Variants in CCDC142 observed in about 807,000 individuals in gnomAD.
CCDC142 encodes the protein coiled-coil domain-containing protein 142.
A neutral mutation model predicts 83.8 loss-of-function variants in CCDC142; 67 were observed. That is an observed-to-expected ratio of 0.80 (90% CI 0.66 to 0.98). The LOEUF (loss-of-function observed/expected upper bound fraction) is 0.98. Ranked by LOEUF, CCDC142 falls within the 50% of genes least tolerant of loss-of-function variation. CCDC142 has a pLI of 0.00. For missense variants in CCDC142, 905 were observed against 946.8 expected, an observed-to-expected ratio of 0.96 and a Z score of 0.58; for synonymous variants, 421 against 421.2, an observed-to-expected ratio of 1.00 and a Z score of 0.01.
Position 74,475,413 on chromosome 2 carries a change from G to T in CCDC142, c.1619-11C>A, listed in dbSNP as rs770220978. Reference sequence around the variant, plus strand: ...GAGCACTGGGAGGTTCTGGAATAGAGAAGACAGAATATAAGGCTGTGGAGA... The same window carrying T: ...GAGCACTGGGAGGTTCTGGAATAGATAAGACAGAATATAAGGCTGTGGAGA... On this transcript the variant is annotated splice_polypyrimidine_tract_variant and intron_variant, in intron 6 of 8. Transcript: ENST00000393965. The T allele has an allele frequency of 2.6e-6, 4 of 1,565,610 alleles. No homozygotes were observed. Among genetic ancestry groups the T allele is most frequent in the Non-Finnish European group, 3.5e-6 (4 of 1,156,486 alleles).
In CCDC142 at chr2:74,481,377, G is replaced by C. The variant is rs755160870; in HGVS notation, c.1109-5C>G. On this transcript the variant is annotated splice_polypyrimidine_tract_variant and splice_region_variant and intron_variant, in intron 2 of 8. Coordinates refer to ENST00000393965, the MANE Select transcript of CCDC142 (RefSeq NM_001365575.2). The stretch of plus-strand genomic sequence containing the variant: ...ATCCCAAGGCCTGGCAGAAACCTGA[G>C]GATGAGAGAGTATAGTGTGGTGGGG... 6.2e-7 allele frequency: 1 copy of C among 1,614,132 alleles called. No homozygotes were observed. Among genetic ancestry groups the C allele is most frequent in the Non-Finnish European group, 8.5e-7 (1 of 1,180,028 alleles).
intron 5 of CCDC142, among the ~76,000 whole-genome samples, chr2:74,476,197 G>T (rs758169058): frequency 6.6e-6 from 1 of 152,050 alleles, no homozygotes; most frequent in African/African-American, 2.4e-5. Flanking sequence ...TTTTGAGGCA[G>T]AGTCTTGCTG....
chr2:74,482,487 CGACTGTAGGT>C lies in CCDC142; in HGVS notation c.341_350del (p.His114ArgfsTer6). Reference sequence around the variant, plus strand: ...TCAGGGTCTTCATGAGTCGCACAGCCGACTGTAGGTGGTAGGCGCAGTCTCGGGCCTGGAG... The same window carrying C: ...TCAGGGTCTTCATGAGTCGCACAGCCGGTAGGCGCAGTCTCGGGCCTGGAG... On this transcript the variant is annotated frameshift_variant, in exon 1 of 9. Transcript: ENST00000393965. LOFTEE classifies it high-confidence loss of function. The surrounding 1 kb of genome is among the most constrained non-coding windows in gnomAD (Gnocchi z 5.0). 1 of 1,554,728 alleles carries C rather than the reference CGACTGTAGGT, an allele frequency of 6.4e-7. No individual in the cohort carries two copies. The highest frequency in any genetic ancestry group is 8.7e-7 in the Non-Finnish European group (1 of 1,148,146).
chr2:74,476,703 G>A (rs1220613465), intron 5 of CCDC142, among the ~76,000 whole-genome samples: 3 of 152,194 alleles, frequency 2.0e-5, no homozygotes, highest in South Asian at 2.1e-4. Context: ...GGTTTGATAG[G>A]TTGTTTTTGG....
Position 74,481,006 on chromosome 2 carries a change from C to T in CCDC142, c.1339G>A (p.Ala447Thr). The T allele has an allele frequency of 6.2e-7, 1 of 1,614,114 alleles. No homozygotes were observed. Among genetic ancestry groups the T allele is most frequent in the Middle Eastern group, 1.6e-4 (1 of 6,062 alleles). ...WFLGRAQQYLAAWDPASFLLL... is the reference protein window; with the variant it reads ...WFLGRAQQYLTAWDPASFLLL... ...AGGAAGGAAGCTGGGTCCCATGCTG[C>T]CAAGTACTGCTGAGCTCTGCCCAGG... Residue 447 changes from alanine to threonine, a missense_variant, in exon 4 of 9, where the codon GCA (alanine) becomes ACA (threonine). This residue lies in a region of CCDC142 where 49 missense variants were observed against 86.4 expected (regional missense o/e 0.57). Coordinates refer to ENST00000393965, the MANE Select transcript of CCDC142 (RefSeq NM_001365575.2).
intron 1 of CCDC142, 86 bp downstream of exon 1, chr2:74,481,730 GC>G: frequency 2.7e-6 from 4 of 1,491,436 alleles, no homozygotes; most frequent in Non-Finnish European, 3.7e-6. Flanking sequence ...GCCTGCTTTT[GC>G]CTTCAGGATG....
chr2:74,475,496 G>C (rs1672303156), intron 6 of CCDC142, 94 bp from the exon 7 acceptor site: 1 of 1,467,130 alleles, frequency 6.8e-7, no homozygotes, highest in Non-Finnish European at 9.3e-7. Flanking sequence ...CAGGAGGGAA[G>C]GGTACAGAAG....
chr2:74,476,036 AC>A (rs1050426429), intron 5 of CCDC142, among the ~76,000 whole-genome samples: 2 of 84,900 alleles, frequency 2.4e-5, no homozygotes, highest in African/African-American at 9.6e-5. Flanking sequence ...CCCTGCCCCC[AC>A]CCCCGCAACA....
In CCDC142 at chr2:74,475,330, A is replaced by G. The variant is rs771716788; in HGVS notation, c.1691T>C (p.Leu564Ser). 3 of 1,613,700 alleles carry G rather than the reference A, an allele frequency of 1.9e-6. No homozygotes were observed. The highest frequency in any genetic ancestry group is 2.2e-5 in the East Asian group (1 of 44,886). ...CTGGGCTTGAGGTGGCAACCCTTGCAATCCTTGCAACACAGGCTCCAGTAC... is the reference window on the plus strand; with the variant it reads ...CTGGGCTTGAGGTGGCAACCCTTGCGATCCTTGCAACACAGGCTCCAGTAC... Reference protein sequence around the residue: ...RTVLEPVLQGLQGLPPQAQAP... With the variant: ...RTVLEPVLQGSQGLPPQAQAP... The change falls in exon 7 of 9, where the codon TTG becomes TCG. Residue 564 changes from leucine (L) to serine (S), a missense_variant. Physicochemically the swap from Leu to Ser is moderately radical, Grantham distance 145. Coordinates refer to ENST00000393965, the MANE Select transcript of CCDC142 (RefSeq NM_001365575.2).
chr2:74,474,619 G>A lies in CCDC142; in HGVS notation c.2180C>T (p.Ala727Val). ...YLVGNQQAWL[A>V]LRQHQRPRWH... ...ACGGGGTCGCTGGTGTTGCCTGAGG[G>A]CAAGCCAGGCCTGCTGATTTCCCAC... is the stretch of plus-strand genomic sequence containing the variant. The change falls in exon 9 of 9, where the codon GCC becomes GTC. Residue 727 changes from alanine (A) to valine (V), a missense_variant. Ala to Val is a moderately conservative substitution (Grantham distance 64). Transcript: ENST00000393965. The A allele has an allele frequency of 6.2e-7, 1 of 1,614,214 alleles. No individual in the cohort carries two copies. The highest frequency in any genetic ancestry group is 8.5e-7 in the Non-Finnish European group (1 of 1,180,038).
chr2:74,477,997 A>AT lies in CCDC142; in HGVS notation c.1504-2272_1504-2271insA, dbSNP rs1553382086. On this transcript the variant is annotated intron_variant, in intron 5 of 8. Coordinates refer to ENST00000393965, the MANE Select transcript of CCDC142 (RefSeq NM_001365575.2). ...GAGCCAAACTTCTAATTAAAAAAAA[A>AT]ATATATATATATATAAATAGATATA... Among the ~76,000 whole-genome samples, 1,365 of 146,674 alleles carry AT rather than the reference A, an allele frequency of 9.3e-3. 12 individuals carry two copies. The highest frequency in any genetic ancestry group is 0.02 in the African/African-American group (818 of 40,370).
chr2:74,480,618 A>T, intron 5 of CCDC142, 151 bp downstream of exon 5: 1 of 491,160 alleles, frequency 2.0e-6, no homozygotes, highest in Non-Finnish European at 3.6e-6. Flanking sequence ...AAAGTTAAAG[A>T]GAACAAAAAA....
At position 74,482,925 on chromosome 2, in the gene CCDC142, A is replaced by T; in HGVS notation, c.-88T>A. The stretch of plus-strand genomic sequence containing the variant: ...GCAGCTCGGACTTCGCCCCATCGCA[A>T]GAGCCGTTTTCTCCAGTCCGGGAGT... On this transcript the variant is annotated 5_prime_UTR_variant, in exon 1 of 9. The change creates a new upstream start codon in the 5' untranslated region. Coordinates refer to ENST00000393965, the MANE Select transcript of CCDC142 (RefSeq NM_001365575.2). The surrounding 1 kb of genome is among the most constrained non-coding windows in gnomAD (Gnocchi z 5.0). 1 of 1,565,624 alleles carries T rather than the reference A, an allele frequency of 6.4e-7. No individual in the cohort carries two copies. Among genetic ancestry groups the T allele is most frequent in the South Asian group, 1.2e-5 (1 of 85,584 alleles).
intron 3 of CCDC142, 57 bp from the exon 4 acceptor site, chr2:74,481,143 G>C (rs1672435239): frequency 6.2e-7 from 1 of 1,610,320 alleles, no homozygotes; most frequent in East Asian, 2.2e-5. Flanking sequence ...CCTTTGGGAA[G>C]AGGCAGATTT....
Position 74,482,151 on chromosome 2 carries a change from A to C in CCDC142, c.687T>G (p.Pro229=). 6.2e-7 allele frequency: 1 copy of C among 1,613,774 alleles called. No homozygotes were observed. The highest frequency in any genetic ancestry group is 8.5e-7 in the Non-Finnish European group (1 of 1,179,954). ...ALSHVPGAAR[P]FPTSRVLRLL... Reference sequence around the variant, plus strand: ...GGCGGAGCACACGGGACGTGGGGAAAGGACGTGCGGCCCCTGGGACGTGGC... The same window carrying C: ...GGCGGAGCACACGGGACGTGGGGAACGGACGTGCGGCCCCTGGGACGTGGC... Residue 229 remains proline (P), a synonymous_variant, in exon 1 of 9, where the codon CCT becomes CCG. Coordinates refer to ENST00000393965, the MANE Select transcript of CCDC142 (RefSeq NM_001365575.2). This position sits in a 1 kb window ranked among gnomAD's most constrained non-coding sequence, Gnocchi z 5.0.
intron 5 of CCDC142, 113 bp from the exon 6 acceptor site, chr2:74,475,839 T>A: frequency 1.5e-6 from 1 of 689,166 alleles, no homozygotes; most frequent in Non-Finnish European, 2.5e-6. Flanking sequence ...TGTTGCATAG[T>A]TGTGTATGCC....
Position 74,482,291 on chromosome 2 carries a change from C to T in CCDC142, c.547G>A (p.Glu183Lys). The T allele has an allele frequency of 6.2e-7, 1 of 1,612,200 alleles. No individual in the cohort carries two copies. Among genetic ancestry groups the T allele is most frequent in the Non-Finnish European group, 8.5e-7 (1 of 1,179,660 alleles). ...CGGCCGAGAGCGCGAAGCTGCATCT[C>T]GATGACAGCCTCCAGGCACTGGGCG... ...LAAQCLEAVI[E>K]MQLRALGREP... Residue 183 changes from glutamate (E) to lysine (K), a missense_variant, in exon 1 of 9, where the codon GAG becomes AAG. Physicochemically the swap from Glu to Lys is moderately conservative, Grantham distance 56. Transcript: ENST00000393965. The surrounding 1 kb of genome is among the most constrained non-coding windows in gnomAD (Gnocchi z 5.0).
At chr2:74,475,780 A>C in intron 5 of CCDC142, 54 bp from the exon 6 acceptor site, 1 of 1,096,036 alleles carries the variant, frequency 9.1e-7, no homozygotes, top group South Asian at 1.3e-5. Flanking sequence ...ATGATCCTCT[A>C]TATCTAAGGA....
chr2:74,476,091 A>ACACACT (rs1672319046), intron 5 of CCDC142, among the ~76,000 whole-genome samples: 1 of 145,908 alleles, frequency 6.9e-6, no homozygotes, highest in African/African-American at 2.5e-5. Context: ...ACACACACAC[A>ACACACT]CACACACACA....
Sources: allele counts gnomAD v4.1 joint callset (sites outside exome capture counted in the v4.1 genomes callset), GRCh38; gene constraint gnomAD v4.1.1; regional missense constraint gnomAD v4.1.1; non-coding constraint Gnocchi (gnomAD v3.1); transcripts MANE v1.5; gene names NCBI Gene and HGNC (gene_info 2026-07-23, HGNC 2026-07-21).